Variants in KCNK10 observed in about 807,000 individuals in gnomAD.
KCNK10 encodes potassium two pore domain channel subfamily K member 10.
KCNK10 carries 25 observed loss-of-function variants against 47.7 expected under a neutral mutation model. The observed-to-expected ratio is 0.52, with a 90% CI of 0.38 to 0.73. KCNK10 has a LOEUF of 0.73. KCNK10 is among the 30% of genes least tolerant of loss of function. The pLI is 0.00. For missense variants in KCNK10, 563 were observed against 714.5 expected, an observed-to-expected ratio of 0.79 and a Z score of 2.42; for synonymous variants, 303 against 285.6, an observed-to-expected ratio of 1.06 and a Z score of -0.61.
intron 5 of KCNK10, among the ~76,000 whole-genome samples, chr14:88,190,291 A>C (rs993396509): frequency 2.6e-5 from 4 of 152,182 alleles, no homozygotes; most frequent in Non-Finnish European, 5.9e-5. Context: ...GAGAGCTCTA[A>C]ATCACCACCC....
intron 1 of KCNK10, among the ~76,000 whole-genome samples, chr14:88,273,727 CCCTAAAGGTGCACACAG>C (rs1279053695): frequency 6.6e-6 from 1 of 152,142 alleles, no homozygotes; most frequent in Non-Finnish European, 1.5e-5. Context: ...ATGATCAAGG[CCCTAAAGGTGCACACAG>C]CCACAGCTGG....
intron 4 of KCNK10, among the ~76,000 whole-genome samples, chr14:88,192,773 A>T (rs895790091): frequency 2.0e-5 from 3 of 152,210 alleles, no homozygotes; most frequent in Non-Finnish European, 2.9e-5. Context: ...AAATGCTACC[A>T]TTTGTCATGT....
intron 2 of KCNK10, among the ~76,000 whole-genome samples, chr14:88,261,786 A>G (rs1286799080): frequency 6.6e-6 from 1 of 151,486 alleles, no homozygotes; most frequent in Non-Finnish European, 1.5e-5. Context: ...AAAAAAAAAG[A>G]CAAAGCCATT....
At chr14:88,275,693 CAAAAAAAAAAAAA>C (rs71126972) in intron 1 of KCNK10, among the ~76,000 whole-genome samples, 2 of 72,024 alleles carry the variant, frequency 2.8e-5, no homozygotes, top group Non-Finnish European at 2.6e-5. Flanking sequence ...GCTAAAAATA[CAAAAAAAAAAAAA>C]AAAAAAAAAA....
At chr14:88,216,203 G>C (rs990379588) in intron 4 of KCNK10, among the ~76,000 whole-genome samples, 6 of 152,184 alleles carry the variant, frequency 3.9e-5, no homozygotes, top group Admixed American at 3.3e-4. Flanking sequence ...TGAAGGAGGA[G>C]AGTTCTGAGT....
At chr14:88,230,128 G>A (rs1415817727) in intron 3 of KCNK10, among the ~76,000 whole-genome samples, 1 of 152,160 alleles carries the variant, frequency 6.6e-6, no homozygotes, top group Admixed American at 6.6e-5. Flanking sequence ...TACATGTGAA[G>A]ATTAAATACC....
intron 4 of KCNK10, among the ~76,000 whole-genome samples, chr14:88,193,211 A>T (rs978587418): frequency 3.3e-5 from 5 of 152,180 alleles, no homozygotes; most frequent in Admixed American, 1.3e-4. Context: ...TGGGGCTTTG[A>T]AATTTTTATA....
chr14:88,240,697 G>A lies in KCNK10; in HGVS notation c.520+6C>T, dbSNP rs772845394. The A allele has an allele frequency of 8.9e-6, 14 of 1,570,988 alleles. No homozygotes were observed. Among genetic ancestry groups the A allele is most frequent in the Admixed American group, 3.3e-5 (2 of 59,948 alleles). On this transcript the variant is annotated splice_donor_region_variant and intron_variant, in intron 3 of 6. Coordinates refer to ENST00000319231, the MANE Select transcript of KCNK10 (RefSeq NM_138317.3). Reference sequence around the variant, plus strand: ...GAGGAAGAGATATTAGCAAACAAACGGGTACCTATGGTCGTAATGACAGTT... The same window carrying A: ...GAGGAAGAGATATTAGCAAACAAACAGGTACCTATGGTCGTAATGACAGTT...
rs1358418370 is a variant in KCNK10, at chr14:88,280,061, A to T, written c.53-16510T>A. ...CCTTCCCGGTCTTGGTTATGTCTTT[A>T]TCAGCAGCGTGAAAATGGACTAATA... On this transcript the variant is annotated intron_variant, in intron 1 of 6. Coordinates refer to ENST00000319231, the MANE Select transcript of KCNK10 (RefSeq NM_138317.3). Among the ~76,000 whole-genome samples, 38 of 152,132 alleles carry T rather than the reference A, an allele frequency of 2.5e-4. 1 individual carries two copies. Among genetic ancestry groups the T allele is most frequent in the Admixed American group, 2.5e-3 (38 of 15,274 alleles).
chr14:88,263,610 A>G, intron 1 of KCNK10, 59 bp from the exon 2 acceptor site: 3 of 1,436,324 alleles, frequency 2.1e-6, no homozygotes, highest in Non-Finnish European at 2.8e-6. Context: ...TAAATACAAA[A>G]CGTGTCAGAA....
chr14:88,326,537 G>T, upstream of KCNK10: 2 of 1,138,116 alleles, frequency 1.8e-6, no homozygotes, highest in Non-Finnish European at 2.6e-6. Flanking sequence ...GGCGGGTTAA[G>T]TCTGGTGGAA....
At chr14:88,263,670 A>G in intron 1 of KCNK10, 119 bp from the exon 2 acceptor site, 1 of 881,622 alleles carries the variant, frequency 1.1e-6, no homozygotes, top group Non-Finnish European at 1.7e-6. Flanking sequence ...TGAGGATGAA[A>G]CGCTGGTTCA....
chr14:88,275,693 CAA>C (rs71126972), intron 1 of KCNK10, among the ~76,000 whole-genome samples: 142 of 71,960 alleles, frequency 2.0e-3, no homozygotes, highest in South Asian at 4.6e-3. Flanking sequence ...GCTAAAAATA[CAA>C]AAAAAAAAAA....
chr14:88,233,875 A>G (rs1886221161), intron 3 of KCNK10, among the ~76,000 whole-genome samples: 1 of 152,254 alleles, frequency 6.6e-6, no homozygotes, highest in Non-Finnish European at 1.5e-5. Context: ...GTCATGAAAC[A>G]AGAAAATTAG....
At chr14:88,280,815 C>G (rs1364651274) in intron 1 of KCNK10, among the ~76,000 whole-genome samples, 5 of 152,168 alleles carry the variant, frequency 3.3e-5, no homozygotes, top group African/African-American at 1.2e-4. Context: ...CCCTACTAGG[C>G]TCCAGCCATA....
At chr14:88,265,063 C>T (rs1887217118) in intron 1 of KCNK10, among the ~76,000 whole-genome samples, 1 of 152,222 alleles carries the variant, frequency 6.6e-6, no homozygotes, top group Non-Finnish European at 1.5e-5. Context: ...TCCCAAGGGG[C>T]CTCCCTGCTT....
At chr14:88,189,396 C>A (rs1884677799) in intron 5 of KCNK10, among the ~76,000 whole-genome samples, 1 of 152,152 alleles carries the variant, frequency 6.6e-6, no homozygotes, top group Non-Finnish European at 1.5e-5. Context: ...GTTCCCGCAC[C>A]AGTAAGTGGT....
At chr14:88,242,940 T>A (rs8014011) in intron 2 of KCNK10, among the ~76,000 whole-genome samples, 2,938 of 152,272 alleles carry the variant, frequency 0.019, 45 homozygotes, top group Non-Finnish European at 0.03. Flanking sequence ...CCTATCAAGC[T>A]GTGAAGAGAG....
At chr14:88,247,829 G>A (rs1330081176) in intron 2 of KCNK10, among the ~76,000 whole-genome samples, 6 of 152,158 alleles carry the variant, frequency 3.9e-5, no homozygotes, top group Non-Finnish European at 5.9e-5. Context: ...ATGAGACCAG[G>A]CCATATTTGG....
Sources: gnomAD v4.1 joint callset for allele counts (sites outside exome capture counted in the v4.1 genomes callset) on GRCh38, gnomAD v4.1.1 for gene constraint, MANE v1.5 for transcripts, NCBI Gene and HGNC (gene_info 2026-07-23, HGNC 2026-07-21) for gene names.